Variants in MINDY3 observed in about 807,000 individuals in gnomAD.
MINDY3 encodes the protein ubiquitin carboxyl-terminal hydrolase MINDY-3.
MINDY3 carries 38 observed loss-of-function variants against 69.2 expected under a neutral mutation model. The ratio of observed to expected loss-of-function variants is 0.55; its 90% CI spans 0.42 to 0.72. The LOEUF is 0.72. Among genes scored for constraint, MINDY3 ranks in the 30% least tolerant of loss-of-function variants. The pLI, the probability that MINDY3 is intolerant of heterozygous loss-of-function variation, is 0.00. For synonymous variants in MINDY3, 192 were observed against 180.1 expected, an observed-to-expected ratio of 1.07 and a Z score of -0.53; for missense variants, 522 against 519.0, an observed-to-expected ratio of 1.01 and a Z score of -0.06.
At chr10:15,816,260 C>T (rs1405865210) in intron 10 of MINDY3, among the ~76,000 whole-genome samples, 2 of 26,826 alleles carry the variant, frequency 7.5e-5, no homozygotes, top group African/African-American at 3.3e-4. Flanking sequence ...GACTCCATCT[C>T]AAAAAAAAAA....
intron 10 of MINDY3, among the ~76,000 whole-genome samples, chr10:15,797,942 T>C (rs1406343005): frequency 1.3e-5 from 2 of 152,194 alleles, no homozygotes; most frequent in Non-Finnish European, 2.9e-5. Context: ...CGTTAGACTG[T>C]TGAAATTTAT....
intron 11 of MINDY3, among the ~76,000 whole-genome samples, chr10:15,791,363 G>A (rs1348300844): frequency 6.6e-6 from 1 of 151,750 alleles, no homozygotes; most frequent in East Asian, 1.9e-4. Context: ...AGAGAATAAG[G>A]AAACAGAGGC....
chr10:15,834,957 C>T (rs1450465867), intron 6 of MINDY3, among the ~76,000 whole-genome samples: 1 of 144,780 alleles, frequency 6.9e-6, no homozygotes, highest in East Asian at 1.9e-4. Context: ...TGAATATGAG[C>T]CTGTTAAGGC....
chr10:15,822,481 A>G (rs1839834699), intron 8 of MINDY3, among the ~76,000 whole-genome samples: 1 of 152,236 alleles, frequency 6.6e-6, no homozygotes, highest in African/African-American at 2.4e-5. Context: ...AAAGCAGAAG[A>G]AACAACAAAC....
intron 11 of MINDY3, among the ~76,000 whole-genome samples, chr10:15,795,125 T>C (rs1359909243): frequency 6.6e-6 from 1 of 152,072 alleles, no homozygotes; most frequent in South Asian, 2.1e-4. Flanking sequence ...GTTAAGAATA[T>C]GACTATTACC....
chr10:15,798,816 C>A (rs527309232), intron 10 of MINDY3, among the ~76,000 whole-genome samples: 1 of 151,952 alleles, frequency 6.6e-6, no homozygotes, highest in East Asian at 1.9e-4. Flanking sequence ...ACTATGCCAA[C>A]GTAGAAAGAA....
rs548106326 is a variant in MINDY3, at chr10:15,853,279, G to A, written c.95-5336C>T. On this transcript the variant is annotated intron_variant, in intron 1 of 14. Transcript: ENST00000277632. ...AGAGCTGAGAGAGACTTTTAAAGGT[G>A]GTCCACCGATAACCCTGGAAATCCT... is the stretch of plus-strand genomic sequence containing the variant. Among the ~76,000 whole-genome samples, 10 of 152,178 alleles carry A rather than the reference G, an allele frequency of 6.6e-5. No homozygotes were observed. The South Asian group carries it at 2.1e-3, about 32-fold the overall frequency.
At chr10:15,831,458 TC>T (rs1158516941) in intron 8 of MINDY3, among the ~76,000 whole-genome samples, 2 of 152,184 alleles carry the variant, frequency 1.3e-5, no homozygotes, top group Non-Finnish European at 2.9e-5. Context: ...AATTTTCTTT[TC>T]CAAGTTAGCT....
chr10:15,821,553 C>T, intron 9 of MINDY3, 103 bp downstream of exon 9: 1 of 838,348 alleles, frequency 1.2e-6, no homozygotes, highest in Non-Finnish European at 1.9e-6. Flanking sequence ...CGGTACTGAA[C>T]CATAGTGCTG....
chr10:15,840,599 T>C (rs1008935107), intron 4 of MINDY3, among the ~76,000 whole-genome samples: 1 of 151,618 alleles, frequency 6.6e-6, no homozygotes, highest in African/African-American at 2.4e-5. Context: ...ACGAAAACTT[T>C]CCACAAAGAT....
intron 2 of MINDY3, 33 bp downstream of exon 2, chr10:15,847,831 C>T (rs1365705754): frequency 1.3e-6 from 2 of 1,505,656 alleles, no homozygotes; most frequent in Admixed American, 3.4e-5. Flanking sequence ...TCAAAATGTC[C>T]CTCTAAGGAG....
Position 15,821,713 on chromosome 10 carries a change from T to A in MINDY3, c.744A>T (p.Ile248=). The A allele has an allele frequency of 6.2e-7, 1 of 1,612,278 alleles. No homozygotes were observed. Among genetic ancestry groups the A allele is most frequent in the Non-Finnish European group, 8.5e-7 (1 of 1,179,360 alleles). ...RECSGMKLLG[I]HEQAAVGFLT... ...AAAATCCTACTGCTGCTTGTTCATGTATACCAAGAAGTTCTGCAAAAAACA... is the reference window on the plus strand; with the variant it reads ...AAAATCCTACTGCTGCTTGTTCATGAATACCAAGAAGTTCTGCAAAAAACA... Residue 248 remains isoleucine (I), a synonymous_variant, in exon 9 of 15, where the codon ATA becomes ATT. Transcript: ENST00000277632.
chr10:15,837,197 A>G lies in MINDY3; in HGVS notation c.576+7T>C. ...CAAAGGCAGAAAAATCATCTTCTTG[A>G]ACACACCTTTGTCAGTAATACAGAA... On this transcript the variant is annotated splice_region_variant and intron_variant, in intron 6 of 14. Coordinates refer to ENST00000277632, the MANE Select transcript of MINDY3 (RefSeq NM_024948.4). 2 of 1,515,610 alleles carry G rather than the reference A, an allele frequency of 1.3e-6. No homozygotes were observed. Among genetic ancestry groups the G allele is most frequent in the Non-Finnish European group, 1.8e-6 (2 of 1,105,064 alleles). 93.9% of individuals were successfully genotyped at this position (1,515,610 alleles called of 1,614,324 possible).
At chr10:15,847,782 T>G (rs1483254477) in intron 2 of MINDY3, 82 bp downstream of exon 2, 1 of 882,830 alleles carries the variant, frequency 1.1e-6, no homozygotes, top group Non-Finnish European at 1.9e-6. Context: ...AATTACTATA[T>G]GGAGTACAGA....
intron 10 of MINDY3, among the ~76,000 whole-genome samples, chr10:15,816,225 C>T (rs1588574810): frequency 7.9e-6 from 1 of 127,268 alleles, no homozygotes; most frequent in African/African-American, 3.2e-5. Context: ...TGTGACATTA[C>T]ACTCTAGCCT....
intron 1 of MINDY3, 85 bp downstream of exon 1, chr10:15,860,121 G>A (rs2132170990): frequency 1.2e-5 from 12 of 1,010,636 alleles, no homozygotes; most frequent in Non-Finnish European, 1.8e-5. Context: ...GGGCACGCGA[G>A]GGGCTGGAGC....
At chr10:15,829,198 T>C (rs944356363) in intron 8 of MINDY3, among the ~76,000 whole-genome samples, 19 of 152,222 alleles carry the variant, frequency 1.2e-4, no homozygotes, top group African/African-American at 4.3e-4. Flanking sequence ...CGGGGTTAAG[T>C]GGAGAGACAT....
chr10:15,782,783 A>C (rs1271054097), intron 13 of MINDY3, among the ~76,000 whole-genome samples: 1 of 152,214 alleles, frequency 6.6e-6, no homozygotes, highest in Non-Finnish European at 1.5e-5. Flanking sequence ...ATAATGCTTA[A>C]GGCGATTTCA....
At chr10:15,829,308 T>C (rs1840301165) in intron 8 of MINDY3, among the ~76,000 whole-genome samples, 1 of 152,216 alleles carries the variant, frequency 6.6e-6, no homozygotes, top group Admixed American at 6.5e-5. Flanking sequence ...CAGAGCCGTC[T>C]GAATAGAACA....
Sources: gnomAD v4.1 joint callset for allele counts (sites outside exome capture counted in the v4.1 genomes callset) on GRCh38, gnomAD v4.1.1 for gene constraint, MANE v1.5 for transcripts, NCBI Gene and HGNC (gene_info 2026-07-23, HGNC 2026-07-21) for gene names.